Variants in CNDP2 observed in about 807,000 individuals in gnomAD.
CNDP2 encodes the protein carnosine dipeptidase 2.
In CNDP2, 38 loss-of-function variants were observed where a neutral mutation model predicts 55.0. The observed-to-expected ratio is 0.69, with a 90% CI of 0.53 to 0.90. The LOEUF is 0.90. CNDP2 is among the 40% of genes least tolerant of loss of function. The pLI, the probability that CNDP2 is intolerant of heterozygous loss-of-function variation, is 0.00. For synonymous variants in CNDP2, 241 were observed against 260.2 expected, an observed-to-expected ratio of 0.93 and a Z score of 0.71; for missense variants, 607 against 621.7, an observed-to-expected ratio of 0.98 and a Z score of 0.25.
intron 8 of CNDP2, among the ~76,000 whole-genome samples, chr18:74,514,716 G>A (rs571539670): frequency 3.3e-5 from 5 of 152,184 alleles, no homozygotes; most frequent in East Asian, 1.9e-4. Flanking sequence ...TGTAAGTTCC[G>A]CAGGCTGTGG....
intron 11 of CNDP2, 33 bp downstream of exon 11, chr18:74,519,129 C>G: frequency 1.9e-6 from 3 of 1,576,544 alleles, no homozygotes; most frequent in South Asian, 2.3e-5. Context: ...AGGTTGGCGT[C>G]TCCTGCACAG....
intron 2 of CNDP2, among the ~76,000 whole-genome samples, chr18:74,500,521 A>G (rs997024646): frequency 3.9e-5 from 6 of 152,252 alleles, no homozygotes; most frequent in African/African-American, 1.4e-4. Context: ...TATTTTCTGT[A>G]TCTTTCAGTT....
intron 8 of CNDP2, among the ~76,000 whole-genome samples, chr18:74,515,457 G>A (rs1979614407): frequency 6.6e-6 from 1 of 152,154 alleles, no homozygotes; most frequent in African/African-American, 2.4e-5. Flanking sequence ...TCAGGCTCGT[G>A]TTTGCTTCTG....
At chr18:74,500,741 C>G (rs1419266335) in intron 2 of CNDP2, among the ~76,000 whole-genome samples, 3 of 152,230 alleles carry the variant, frequency 2.0e-5, no homozygotes, top group African/African-American at 7.2e-5. Context: ...CAGCTGGGAG[C>G]ATCGGCAAGC....
chr18:74,514,178 G>A (rs187459964), intron 8 of CNDP2, among the ~76,000 whole-genome samples: 21 of 152,354 alleles, frequency 1.4e-4, no homozygotes, highest in Admixed American at 1.3e-3. Flanking sequence ...GTAGGGTTAT[G>A]CGGTATAGAT....
chr18:74,513,264 T>A (rs1216178084), intron 7 of CNDP2, among the ~76,000 whole-genome samples: 1 of 152,216 alleles, frequency 6.6e-6, no homozygotes, highest in Non-Finnish European at 1.5e-5. Context: ...TCAGTCTCCT[T>A]ACCTGAGAAA....
At position 74,519,865 on chromosome 18, in the gene CNDP2, AG is replaced by A. The variant is rs1314327983; in HGVS notation, c.1359-131del. On this transcript the variant is annotated intron_variant, in intron 11 of 11. Coordinates refer to ENST00000324262, the MANE Select transcript of CNDP2 (RefSeq NM_018235.3). ...TGAATTCTGAAGGCAAGCAGGGCTCAGGGCCCCCAAGCTGGGATGGGGGATG... is the reference window on the plus strand; with the variant it reads ...TGAATTCTGAAGGCAAGCAGGGCTCAGGCCCCCAAGCTGGGATGGGGGATG... 155 of 713,250 alleles carry A rather than the reference AG, an allele frequency of 2.2e-4. 1 individual carries two copies. Among genetic ancestry groups the A allele is most frequent in the Non-Finnish European group, 4.7e-6 (2 of 425,402 alleles). The allele number at this position is 713,250 out of a possible 1,614,324, so 44.2% of individuals were successfully genotyped here.
At position 74,510,828 on chromosome 18, in the gene CNDP2, G is replaced by C; in HGVS notation, c.472G>C (p.Val158Leu). Residue 158 changes from valine to leucine, a missense_variant, in exon 6 of 12, where the codon GTC becomes CTC. Val to Leu is a conservative substitution (Grantham distance 32). Coordinates refer to ENST00000324262, the MANE Select transcript of CNDP2 (RefSeq NM_018235.3). ...CTTCTCACAGGAGATTCCTGTCAAC[G>C]TCCGATTCTGCCTCGAAGGCATGGA... ...QKTGQEIPVN[V>L]RFCLEGMEES... 1 of 1,613,868 alleles carries C rather than the reference G, an allele frequency of 6.2e-7. No individual in the cohort carries two copies. The highest frequency in any genetic ancestry group is 8.5e-7 in the Non-Finnish European group (1 of 1,179,900).
rs1568283806 is a variant in CNDP2 at position 74,518,944 on chromosome 18, C to T, written c.1211-5C>T. On this transcript the variant is annotated splice_region_variant and splice_polypyrimidine_tract_variant and intron_variant, in intron 10 of 11. Coordinates refer to ENST00000324262, the MANE Select transcript of CNDP2 (RefSeq NM_018235.3). ...CACCGTTTATTTTATTTCATTTCCC[C>T]CCAGTTTTTGGTGTTGAGCCAGACT... The T allele has an allele frequency of 6.2e-7, 1 of 1,613,930 alleles. No homozygotes were observed. Among genetic ancestry groups the T allele is most frequent in the South Asian group, 1.1e-5 (1 of 91,050 alleles).
rs1362389045 is a variant in CNDP2, at chr18:74,518,589, T to C, written c.1159T>C (p.Ser387Pro). The change falls in exon 10 of 12, where the codon TCC becomes CCC. Residue 387 changes from serine to proline, a missense_variant. By Grantham distance (74) the Ser-to-Pro change is moderately conservative. Transcript: ENST00000324262. ...GGGCCACGGTGGGAAGCCCTGGGTCTCCGACTTCAGTCACCCTCATTACCT... is the reference window on the plus strand; with the variant it reads ...GGGCCACGGTGGGAAGCCCTGGGTCCCCGACTTCAGTCACCCTCATTACCT... ...YMGHGGKPWV[S>P]DFSHPHYLAG... is the part of the protein sequence containing the mutation. 1 of 1,614,180 alleles carries C rather than the reference T, an allele frequency of 6.2e-7. No individual in the cohort carries two copies. The highest frequency in any genetic ancestry group is 8.5e-7 in the Non-Finnish European group (1 of 1,180,030).
intron 2 of CNDP2, 28 bp downstream of exon 2, chr18:74,500,061 G>C: frequency 6.3e-7 from 1 of 1,591,342 alleles, no homozygotes. Context: ...TTAGGAAACA[G>C]TAAAATCTGA....
chr18:74,498,473 G>C lies in CNDP2; in HGVS notation c.-92-1409G>C, dbSNP rs530229311. The stretch of plus-strand genomic sequence containing the variant: ...ATGTGGCACGTGACTATATTTTTGA[G>C]TGACTTTAGCTACAATGCCACTGGT... On this transcript the variant is annotated intron_variant, in intron 1 of 11. Transcript: ENST00000324262. Among the ~76,000 whole-genome samples the C allele has an allele frequency of 2.0e-5, 3 of 152,248 alleles. No homozygotes were observed. In the South Asian group the frequency reaches 6.2e-4, roughly 32 times the overall value.
At chr18:74,515,123 G>A (rs1034600831) in intron 8 of CNDP2, among the ~76,000 whole-genome samples, 4 of 152,238 alleles carry the variant, frequency 2.6e-5, no homozygotes, top group African/African-American at 9.6e-5. Flanking sequence ...GACTGAGACC[G>A]ACATGCCGGC....
chr18:74,499,804 T>G, intron 1 of CNDP2, 78 bp from the exon 2 acceptor site: 1 of 511,242 alleles, frequency 2.0e-6, no homozygotes, highest in Non-Finnish European at 3.5e-6. Context: ...TCCTGGAGCG[T>G]CTCTGGCTGG....
Position 74,520,966 on chromosome 18 carries a change from C to T in CNDP2, c.*898C>T, listed in dbSNP as rs1379872251. 1 of 152,226 alleles carries T rather than the reference C, an allele frequency of 6.6e-6. No homozygotes were observed. Among genetic ancestry groups the T allele is most frequent in the Non-Finnish European group, 1.5e-5 (1 of 68,046 alleles). 9.4% of individuals were successfully genotyped at this position (152,226 alleles called of 1,614,324 possible). A position where few individuals can be genotyped will look rare whatever the true frequency, so the allele number is the denominator to read the frequency against. On this transcript the variant is annotated 3_prime_UTR_variant, in exon 12 of 12. Transcript: ENST00000324262. ...AAGAAATTAGGGCCTCCTCTGATCT[C>T]TCGCTATCTGCGGGTCCTGTCCTTT...
rs1219466953 is a variant in CNDP2 at position 74,518,937 on chromosome 18, A to G, written c.1211-12A>G. The G allele has an allele frequency of 1.2e-5, 18 of 1,532,102 alleles. No homozygotes were observed. The highest frequency in any genetic ancestry group is 1.6e-5 in the Non-Finnish European group (18 of 1,145,786). The allele number at this position is 1,532,102 out of a possible 1,614,324, so 94.9% of individuals were successfully genotyped here. On this transcript the variant is annotated splice_polypyrimidine_tract_variant and intron_variant, in intron 10 of 11. Coordinates refer to ENST00000324262, the MANE Select transcript of CNDP2 (RefSeq NM_018235.3). ...CAAAGCTCACCGTTTATTTTATTTC[A>G]TTTCCCCCCAGTTTTTGGTGTTGAG...
rs1307456521 is a variant in CNDP2 at position 74,519,989 on chromosome 18, T to C, written c.1359-10T>C. 2 of 1,613,254 alleles carry C rather than the reference T, an allele frequency of 1.2e-6. No homozygotes were observed. The highest frequency in any genetic ancestry group is 1.7e-6 in the Non-Finnish European group (2 of 1,179,638). ...ACCAGCCAACACAATGATGTGTTCC[T>C]CTCTACCAGGTATAACTACATAGAG... On this transcript the variant is annotated splice_polypyrimidine_tract_variant and intron_variant, in intron 11 of 11. Coordinates refer to ENST00000324262, the MANE Select transcript of CNDP2 (RefSeq NM_018235.3).
rs1191486613 is a variant in CNDP2, at chr18:74,519,889, A to T, written c.1359-110A>T. 4 of 931,706 alleles carry T rather than the reference A, an allele frequency of 4.3e-6. No individual in the cohort carries two copies. The Admixed American group carries it at 6.6e-5, about 15-fold the overall frequency. The allele number at this position is 931,706 out of a possible 1,614,324, so 57.7% of individuals were successfully genotyped here. A position where few individuals can be genotyped will look rare whatever the true frequency, so the allele number is the denominator to read the frequency against. ...CAGGGCCCCCAAGCTGGGATGGGGG[A>T]TGCTCCCCAGGAAGAAGGCAGAGTG... On this transcript the variant is annotated intron_variant, in intron 11 of 11. Transcript: ENST00000324262.
intron 1 of CNDP2, among the ~76,000 whole-genome samples, chr18:74,498,195 G>A (rs1043254684): frequency 4.6e-5 from 7 of 152,232 alleles, no homozygotes; most frequent in Admixed American, 2.0e-4. Flanking sequence ...ATTGTTAGGC[G>A]ATTCGTTGTT....
Sources: allele counts gnomAD v4.1 joint callset (sites outside exome capture counted in the v4.1 genomes callset), GRCh38; gene constraint gnomAD v4.1.1; transcripts MANE v1.5; gene names NCBI Gene and HGNC (gene_info 2026-07-23, HGNC 2026-07-21).